Variants in ALDH4A1 observed in about 807,000 individuals in gnomAD.
The protein encoded by ALDH4A1 is aldehyde dehydrogenase 4 family member A1, also known as delta-1-pyrroline-5-carboxylate dehydrogenase, mitochondrial.
In ALDH4A1, 46 loss-of-function variants were observed where a neutral mutation model predicts 70.5. That is an observed-to-expected ratio of 0.65 (90% CI 0.51 to 0.83). ALDH4A1 has a LOEUF of 0.83. Ranked by LOEUF, ALDH4A1 falls within the 40% of genes least tolerant of loss-of-function variation. The probability of loss-of-function intolerance (pLI) is 0.00; values close to 1 mark genes in which losing one functional copy is unlikely to be tolerated. For missense variants in ALDH4A1, 749 were observed against 766.5 expected (o/e 0.98, Z 0.27); for synonymous variants, 323 against 324.3 (o/e 1.00, Z 0.04).
Position 18,877,446 on chromosome 1 carries a change from C to T in ALDH4A1, c.1107G>A (p.Leu369=), listed in dbSNP as rs1321471526. 6.3e-7 allele frequency: 1 copy of T among 1,588,248 alleles called. No homozygotes were observed. The highest frequency in any genetic ancestry group is 8.6e-7 in the Non-Finnish European group (1 of 1,167,034). Residue 369 remains leucine (L), a synonymous_variant, in exon 10 of 15, where the codon CTG becomes CTA. Transcript: ENST00000375341. ...CCACTTTGATCCGACTGTGCTCCTC[C>T]AGCAGCCGCCCTTTGATCTGCGGCC... The part of the protein sequence containing the change: ...SLWPQIKGRL[L]EEHSRIKVGD...
rs534751701 is a variant in ALDH4A1 at position 18,889,429 on chromosome 1, A to G, written c.182T>C (p.Met61Thr). 2.2e-5 allele frequency: 34 copies of G among 1,552,422 alleles called. No homozygotes were observed. In the South Asian group the frequency reaches 4.0e-4, roughly 18 times the overall value. ...CCCCACCACGCATGGGATGGCTTCC[A>G]TCCGGCCCTTCAGGTCCTTCAAGGC... ...QKALKDLKGR[M>T]EAIPCVVGDE... The change falls in exon 3 of 15, where the codon ATG (methionine) becomes ACG (threonine). Residue 61 changes from methionine to threonine, a missense_variant. Met to Thr is a moderately conservative substitution (Grantham distance 81). Coordinates refer to ENST00000375341, the MANE Select transcript of ALDH4A1 (RefSeq NM_003748.4).
chr1:18,881,010 G>A (rs139475748), intron 8 of ALDH4A1, among the ~76,000 whole-genome samples: 141 of 152,180 alleles, frequency 9.3e-4, no homozygotes, highest in African/African-American at 3.1e-3. Flanking sequence ...CCTGAGAGCC[G>A]GGACCTTGTC....
At position 18,885,618 on chromosome 1, in the gene ALDH4A1, T is replaced by G; in HGVS notation, c.308A>C (p.Asn103Thr). 1 of 1,614,002 alleles carries G rather than the reference T, an allele frequency of 6.2e-7. No individual in the cohort carries two copies. Among genetic ancestry groups the G allele is most frequent in the Non-Finnish European group, 8.5e-7 (1 of 1,180,004 alleles). ...KFCYADKSLL[N>T]KAIEAALAAR... ...AGCCAGGGCAGCCTCAATGGCTTTG[T>G]TGAGCAGGCTCTAAAGGGAGAGGGA... Residue 103 changes from asparagine to threonine, a missense_variant, in exon 5 of 15, where the codon AAC becomes ACC. Asn to Thr is a moderately conservative substitution (Grantham distance 65). Transcript: ENST00000375341.
intron 14 of ALDH4A1, among the ~76,000 whole-genome samples, chr1:18,873,623 G>A (rs2100548506): frequency 6.6e-6 from 1 of 152,286 alleles, no homozygotes; most frequent in Middle Eastern, 3.4e-3. Context: ...CTTCCAGATT[G>A]GTGAACACGT....
At position 18,897,077 on chromosome 1, in the gene ALDH4A1, A is replaced by G. The variant is rs147869275; in HGVS notation, c.62+5385T>C. On this transcript the variant is annotated intron_variant, in intron 1 of 14. Coordinates refer to ENST00000375341, the MANE Select transcript of ALDH4A1 (RefSeq NM_003748.4). The stretch of plus-strand genomic sequence containing the variant: ...ATGAGGAACGCATGACAAGTTGAGC[A>G]TCCCTGATCCAAAAATCCAAAATCC... The G allele has an allele frequency of 9.1e-3, 4,848 of 534,536 alleles. 37 individuals carry two copies. The highest frequency in any genetic ancestry group is 0.014 in the Middle Eastern group (43 of 3,144). 33.1% of individuals were successfully genotyped at this position (534,536 alleles called of 1,614,324 possible). A position where few individuals can be genotyped will look rare whatever the true frequency, so the allele number is the denominator to read the frequency against.
intron 5 of ALDH4A1, among the ~76,000 whole-genome samples, chr1:18,885,047 G>A (rs544697505): frequency 1.3e-4 from 20 of 152,278 alleles, no homozygotes; most frequent in African/African-American, 4.8e-4. Flanking sequence ...TGGGGCTCAG[G>A]TCTTGGGACT....
rs1342016941 is a variant in ALDH4A1, at chr1:18,898,108, G to C, written c.62+4354C>G. 6.6e-6 allele frequency among the ~76,000 whole-genome samples: 1 copy of C among 152,084 alleles called. No individual in the cohort carries two copies. The highest frequency in any genetic ancestry group is 2.4e-5 in the African/African-American group (1 of 41,422). ...AGGCAGGAGGATCACTTCAGCCCAG[G>C]AGGTTGAGATCATCCTGGCCAACAT... On this transcript the variant is annotated intron_variant, in intron 1 of 14. Coordinates refer to ENST00000375341, the MANE Select transcript of ALDH4A1 (RefSeq NM_003748.4). The surrounding 1 kb of genome is among the most constrained non-coding windows in gnomAD (Gnocchi z 4.3).
In ALDH4A1 at chr1:18,880,023, C is replaced by T. The variant is rs192551843; in HGVS notation, c.867-650G>A. Among the ~76,000 whole-genome samples, 1 of 151,846 alleles carries T rather than the reference C, an allele frequency of 6.6e-6. No individual in the cohort carries two copies. Among genetic ancestry groups the T allele is most frequent in the African/African-American group, 2.4e-5 (1 of 41,310 alleles). On this transcript the variant is annotated intron_variant, in intron 8 of 14. Transcript: ENST00000375341. The surrounding 1 kb of genome is among the most constrained non-coding windows in gnomAD (Gnocchi z 5.1). The stretch of plus-strand genomic sequence containing the variant: ...TTTATGGCCTTCCCACCTTTAAGCC[C>T]GCTGCTCATCAGAGCGTGGAGAATG...
Position 18,877,498 on chromosome 1 carries a change from G to A in ALDH4A1, c.1055C>T (p.Ser352Leu), listed in dbSNP as rs137852937. The A allele has an allele frequency of 1.4e-4, 233 of 1,606,968 alleles. No individual in the cohort carries two copies. Among genetic ancestry groups the A allele is most frequent in the Non-Finnish European group, 1.9e-4 (224 of 1,177,222 alleles). ...EYGGQKCSACSRLYVPHSLWP... is the reference protein window; with the variant it reads ...EYGGQKCSACLRLYVPHSLWP... Reference sequence around the variant, plus strand: ...CAGCGAGTGCGGCACGTAGAGACGCGAGCACGCGGAACACTTCTGGCCACC... The same window carrying A: ...CAGCGAGTGCGGCACGTAGAGACGCAAGCACGCGGAACACTTCTGGCCACC... Residue 352 changes from serine (S) to leucine (L), a missense_variant, in exon 10 of 15, where the codon TCG becomes TTG. Physicochemically the swap from Ser to Leu is moderately radical, Grantham distance 145. Coordinates refer to ENST00000375341, the MANE Select transcript of ALDH4A1 (RefSeq NM_003748.4).
At chr1:18,900,228 G>C (rs967877727) in intron 1 of ALDH4A1, among the ~76,000 whole-genome samples, 3 of 152,218 alleles carry the variant, frequency 2.0e-5, no homozygotes, top group Non-Finnish European at 4.4e-5. Context: ...AAAACACTAA[G>C]AAGCATCTCC....
chr1:18,894,252 C>A (rs1467723089), intron 1 of ALDH4A1, among the ~76,000 whole-genome samples: 1 of 152,104 alleles, frequency 6.6e-6, no homozygotes, highest in African/African-American at 2.4e-5. Flanking sequence ...CAGGTTAAAA[C>A]GGAGTAGGCC....
chr1:18,874,952 G>A (rs1419790124), intron 13 of ALDH4A1, among the ~76,000 whole-genome samples: 1 of 152,262 alleles, frequency 6.6e-6, no homozygotes, highest in African/African-American at 2.4e-5. Flanking sequence ...CAGACATGGG[G>A]GCAACCAGTG....
At position 18,872,885 on chromosome 1, in the gene ALDH4A1, T is replaced by C. The variant is rs1158971542; in HGVS notation, c.1652A>G (p.His551Arg). The C allele has an allele frequency of 3.1e-6, 5 of 1,614,106 alleles. No homozygotes were observed. The highest frequency in any genetic ancestry group is 4.2e-6 in the Non-Finnish European group (5 of 1,180,008). Reference sequence around the variant, plus strand: ...GTAGCTCCAGTCCCCCAGGGGCTTATGTGTCTCCTTGATGACCTGCGGCGA... The same window carrying C: ...GTAGCTCCAGTCCCCCAGGGGCTTACGTGTCTCCTTGATGACCTGCGGCGA... ...WTSPQVIKET[H>R]KPLGDWSYAY... Residue 551 changes from histidine to arginine, a missense_variant, in exon 15 of 15, where the codon CAT becomes CGT. Physicochemically the swap from His to Arg is conservative, Grantham distance 29 (BLOSUM62 0). Coordinates refer to ENST00000375341, the MANE Select transcript of ALDH4A1 (RefSeq NM_003748.4).
chr1:18,882,718 G>A (rs967068011), intron 7 of ALDH4A1: 3 of 562,120 alleles, frequency 5.3e-6, no homozygotes, highest in Non-Finnish European at 1.1e-5. Flanking sequence ...GTGCTTGACA[G>A]CAGCAGGCAC....
chr1:18,884,034 T>C (rs1188335910), intron 5 of ALDH4A1, among the ~76,000 whole-genome samples: 4 of 152,176 alleles, frequency 2.6e-5, no homozygotes, highest in African/African-American at 4.8e-5. Flanking sequence ...TTTTCCAGAT[T>C]GACGTGGCCT....
intron 8 of ALDH4A1, among the ~76,000 whole-genome samples, chr1:18,879,852 G>A (rs905307690): frequency 6.6e-6 from 1 of 152,168 alleles, no homozygotes; most frequent in Non-Finnish European, 1.5e-5. Flanking sequence ...GGAGAGTCCT[G>A]GGAGAGGGAG....
rs373826244 is a variant in ALDH4A1 at position 18,875,406 on chromosome 1, G to A, written c.1436C>T (p.Thr479Met). The change falls in exon 13 of 15, where the codon ACG (threonine) becomes ATG (methionine). Residue 479 changes from threonine to methionine, a missense_variant. Thr to Met is a moderately conservative substitution (Grantham distance 81). Transcript: ENST00000375341. ...CTTATCCTGGGAGAACACTGCCCCC[G>A]TGAGGCCATAGCTGGTGGTGCTGTC... ...LVDSTTSYGL[T>M]GAVFSQDKDV... 19 of 1,614,178 alleles carry A rather than the reference G, an allele frequency of 1.2e-5. No homozygotes were observed. Among genetic ancestry groups the A allele is most frequent in the African/African-American group, 2.7e-5 (2 of 75,048 alleles).
chr1:18,881,484 T>C (rs1235524423), intron 8 of ALDH4A1, among the ~76,000 whole-genome samples: 8 of 152,174 alleles, frequency 5.3e-5, no homozygotes, highest in Non-Finnish European at 1.2e-4. Flanking sequence ...GTTTAATCCT[T>C]GCAATGACTC....
At position 18,902,532 on chromosome 1, in the gene ALDH4A1, A is replaced by G. The variant is rs763809151; in HGVS notation, c.-9T>C. On this transcript the variant is annotated 5_prime_UTR_variant, in exon 1 of 15. Transcript: ENST00000375341. ...GGCGCCGGCAGCAGCATCTCGGGTT[A>G]GAAGCGGGGCTGTTCGCTGGATCGT... 8 of 1,487,092 alleles carry G rather than the reference A, an allele frequency of 5.4e-6. No homozygotes were observed. The highest frequency in any genetic ancestry group is 1.4e-5 in the African/African-American group (1 of 70,310). The allele number at this position is 1,487,092 out of a possible 1,614,324, so 92.1% of individuals were successfully genotyped here. A position where few individuals can be genotyped will look rare whatever the true frequency, so the allele number is the denominator to read the frequency against.
Sources: allele counts gnomAD v4.1 joint callset (sites outside exome capture counted in the v4.1 genomes callset), GRCh38; gene constraint gnomAD v4.1.1; non-coding constraint Gnocchi (gnomAD v3.1); transcripts MANE v1.5; gene names NCBI Gene and HGNC (gene_info 2026-07-23, HGNC 2026-07-21).